The following COMP variants were observed in gnomAD, a reference collection of about 807,000 sequenced individuals.
The protein encoded by COMP is cartilage oligomeric matrix protein (pseudoachondroplasia, epiphyseal dysplasia 1, multiple).
COMP carries 79 observed loss-of-function variants against 95.8 expected under a neutral mutation model. The ratio of observed to expected loss-of-function variants is 0.82; its 90% CI spans 0.69 to 0.99. The LOEUF (loss-of-function observed/expected upper bound fraction) is 0.99. Ranked by LOEUF, COMP falls within the 50% of genes least tolerant of loss-of-function variation. The pLI is 0.00. For synonymous variants in COMP, 438 were observed against 433.9 expected, an observed-to-expected ratio of 1.01 and a Z score of -0.12; for missense variants, 906 against 1,076.1, an observed-to-expected ratio of 0.84 and a Z score of 2.21.
chr19:18,785,207 A>C (rs2055156113), intron 15 of COMP, 115 bp from the exon 16 acceptor site: 1 of 1,069,490 alleles, frequency 9.4e-7, no homozygotes, highest in Admixed American at 1.9e-5. Context: ...GACCTGCACC[A>C]TTCCCACTCG....
chr19:18,788,590 A>G lies in COMP; in HGVS notation c.762+2T>C. Reference sequence around the variant, plus strand: ...CCTCAAGCCCAGCCCGCCCGCACTCACCACGCACGACCGCGAGCCATCGCG... The same window carrying G: ...CCTCAAGCCCAGCCCGCCCGCACTCGCCACGCACGACCGCGAGCCATCGCG... On this transcript the variant is annotated splice_donor_variant, in intron 7 of 18. Transcript: ENST00000222271. LOFTEE classifies it high-confidence loss of function. This position sits in a 1 kb window ranked among gnomAD's most constrained non-coding sequence, Gnocchi z 4.7. The G allele has an allele frequency of 1.3e-6, 2 of 1,554,052 alleles. No homozygotes were observed. Among genetic ancestry groups the G allele is most frequent in the Non-Finnish European group, 1.7e-6 (2 of 1,149,574 alleles).
At chr19:18,790,664 G>A (rs1568557476) in intron 2 of COMP, 51 bp from the exon 3 acceptor site, 1 of 1,613,252 alleles carries the variant, frequency 6.2e-7, no homozygotes, top group Non-Finnish European at 8.5e-7. Flanking sequence ...CTCATCCCTC[G>A]GGTCTCCCCT....
chr19:18,783,020 C>G, intron 18 of COMP, 34 bp downstream of exon 18: 5 of 1,611,886 alleles, frequency 3.1e-6, no homozygotes, highest in Non-Finnish European at 4.2e-6. Context: ...TGTGTGCAGA[C>G]TCCCCGCCCA....
chr19:18,787,791 T>C, intron 9 of COMP, 141 bp from the exon 10 acceptor site: 2 of 1,045,158 alleles, frequency 1.9e-6, no homozygotes, highest in South Asian at 2.6e-5. Context: ...ACGCCCCTCA[T>C]CCAAGCCACG....
rs145290786 is a variant in COMP, at chr19:18,785,653, C to G, written c.1668+20G>C. 3 of 1,613,536 alleles carry G rather than the reference C, an allele frequency of 1.9e-6. No homozygotes were observed. The South Asian group carries it at 3.3e-5, about 18-fold the overall frequency. The stretch of plus-strand genomic sequence containing the variant: ...GGGGTTCTAGGGTCCCATCACCCCC[C>G]ACGTGGACCCCGCTCCCACCTGGTT... On this transcript the variant is annotated intron_variant, in intron 14 of 18. Coordinates refer to ENST00000222271, the MANE Select transcript of COMP (RefSeq NM_000095.3).
rs1301582565 is a variant in COMP at position 18,787,712 on chromosome 19, G to C, written c.976-62C>G. On this transcript the variant is annotated intron_variant, in intron 9 of 18. Coordinates refer to ENST00000222271, the MANE Select transcript of COMP (RefSeq NM_000095.3). ...GAGAAGGCAAAGGTCACACTCCTCA[G>C]ATTCCCAAATCTCCGAGGACGCGTC... 3 of 1,602,196 alleles carry C rather than the reference G, an allele frequency of 1.9e-6. No individual in the cohort carries two copies. The Admixed American group carries it at 5.0e-5, about 27-fold the overall frequency.
At chr19:18,786,762 G>GGTTT (rs1264257065) in intron 10 of COMP, 112 bp from the exon 11 acceptor site, 1 of 289,140 alleles carries the variant, frequency 3.5e-6, no homozygotes, top group African/African-American at 5.2e-5. Flanking sequence ...CTTCATGGAA[G>GGTTT]CTTTTTTTTT....
intron 13 of COMP, 22 bp downstream of exon 13, chr19:18,785,943 G>A (rs1179465447): frequency 9.6e-7 from 1 of 1,041,472 alleles, no homozygotes; most frequent in South Asian, 1.3e-5. Flanking sequence ...CGCCCCCACC[G>A]CAGGCCCCGC....
rs758010826 is a variant in COMP, at chr19:18,785,964, C to A, written c.1489+1G>T. On this transcript the variant is annotated splice_donor_variant, in intron 13 of 18. Transcript: ENST00000222271. LOFTEE classifies it high-confidence loss of function. Reference sequence around the variant, plus strand: ...CACCGCAGGCCCCGCCCCCGCCGTACTGTCCGCGTCCTCCTGGCCGGGGTT... The same window carrying A: ...CACCGCAGGCCCCGCCCCCGCCGTAATGTCCGCGTCCTCCTGGCCGGGGTT... 6.2e-7 allele frequency: 1 copy of A among 1,605,374 alleles called. No individual in the cohort carries two copies. Among genetic ancestry groups the A allele is most frequent in the Non-Finnish European group, 8.5e-7 (1 of 1,177,350 alleles).
chr19:18,790,068 C>T lies in COMP; in HGVS notation c.264G>A (p.Leu88=). 1 of 1,549,668 alleles carries T rather than the reference C, an allele frequency of 6.5e-7. No individual in the cohort carries two copies. Among genetic ancestry groups the T allele is most frequent in the Non-Finnish European group, 8.7e-7 (1 of 1,152,300 alleles). Residue 88 remains leucine (L), a synonymous_variant, in exon 4 of 19, where the codon CTG becomes CTA. Coordinates refer to ENST00000222271, the MANE Select transcript of COMP (RefSeq NM_000095.3). ...AGCAGAAGCCGGGCGCGCAGTGGAGCAGGGGCCGCACGCTGGGTAGGCCGG... is the reference window on the plus strand; with the variant it reads ...AGCAGAAGCCGGGCGCGCAGTGGAGTAGGGGCCGCACGCTGGGTAGGCCGG... ...VRTGLPSVRP[L]LHCAPGFCFP... is the part of the protein sequence containing the mutation.
At chr19:18,787,730 G>A in intron 9 of COMP, 80 bp from the exon 10 acceptor site, 1 of 1,587,000 alleles carries the variant, frequency 6.3e-7, no homozygotes, top group East Asian at 2.2e-5. Context: ...AATCTCCGAG[G>A]ACGCGTCTCC....
chr19:18,785,866 A>T lies in COMP; in HGVS notation c.1490-15T>A, dbSNP rs1261325607. ...CACGCCGTCCCCTGAGAGGTGGGAG[A>T]CCCCTCGGTGGGCTAAAGTCAGGGC... On this transcript the variant is annotated splice_polypyrimidine_tract_variant and intron_variant, in intron 13 of 18. Coordinates refer to ENST00000222271, the MANE Select transcript of COMP (RefSeq NM_000095.3). 1.2e-6 allele frequency: 2 copies of T among 1,601,332 alleles called. No homozygotes were observed. Among genetic ancestry groups the T allele is most frequent in the Admixed American group, 1.7e-5 (1 of 59,280 alleles).
intron 11 of COMP, 119 bp downstream of exon 11, chr19:18,786,413 C>A: frequency 6.5e-7 from 1 of 1,545,074 alleles, no homozygotes; most frequent in South Asian, 1.1e-5. Flanking sequence ...GCAGGCTGCT[C>A]GGACCGAGAG....
intron 3 of COMP, among the ~76,000 whole-genome samples, chr19:18,790,326 T>TCCCGCTTTTCTGC (rs2055203912): frequency 6.6e-6 from 1 of 150,904 alleles, no homozygotes; most frequent in Non-Finnish European, 1.5e-5. Flanking sequence ...TGAGTCTCTG[T>TCCCGCTTTTCTGC]CCCGCTTTTC....
At position 18,789,024 on chromosome 19, in the gene COMP, G is replaced by C; in HGVS notation, c.529-111C>G. 7 of 1,542,222 alleles carry C rather than the reference G, an allele frequency of 4.5e-6. No homozygotes were observed. The highest frequency in any genetic ancestry group is 5.3e-6 in the Non-Finnish European group (6 of 1,133,710). On this transcript the variant is annotated intron_variant, in intron 5 of 18. Transcript: ENST00000222271. The surrounding 1 kb of genome is among the most constrained non-coding windows in gnomAD (Gnocchi z 6.1). The stretch of plus-strand genomic sequence containing the variant: ...TCTCCCCTCCATCCTGCCCCAAACC[G>C]ATCAGCCCTGGCGCAGCGGACCCCT...
Position 18,785,058 on chromosome 19 carries a change from G to T in COMP, c.1752C>A (p.Gly584=). 6.2e-7 allele frequency: 1 copy of T among 1,614,122 alleles called. No individual in the cohort carries two copies. Among genetic ancestry groups the T allele is most frequent in the Non-Finnish European group, 8.5e-7 (1 of 1,180,010 alleles). The change falls in exon 16 of 19, where the codon GGC becomes GGA. Residue 584 remains glycine (G), a synonymous_variant. Transcript: ENST00000222271. ...YTAFNGVDFE[G]TFHVNTVTDD... Reference sequence around the variant, plus strand: ...CCGTGACCGTGTTCACATGGAACGTGCCCTCGAAGTCCACGCCATTGAAGG... The same window carrying T: ...CCGTGACCGTGTTCACATGGAACGTTCCCTCGAAGTCCACGCCATTGAAGG...
Position 18,784,419 on chromosome 19 carries a change from A to C in COMP, c.1915-56T>G. The C allele has an allele frequency of 6.2e-7, 1 of 1,601,148 alleles. No individual in the cohort carries two copies. The highest frequency in any genetic ancestry group is 1.1e-5 in the South Asian group (1 of 90,616). ...CCTCGTGGGCCACCGGAGCCCCCCTAGACACCTTCCTGGAGAGACAGTTGG... is the reference window on the plus strand; with the variant it reads ...CCTCGTGGGCCACCGGAGCCCCCCTCGACACCTTCCTGGAGAGACAGTTGG... On this transcript the variant is annotated intron_variant, in intron 16 of 18. Coordinates refer to ENST00000222271, the MANE Select transcript of COMP (RefSeq NM_000095.3). This position sits in a 1 kb window ranked among gnomAD's most constrained non-coding sequence, Gnocchi z 4.9.
intron 10 of COMP, 102 bp downstream of exon 10, chr19:18,787,389 C>A (rs1425224480): frequency 6.5e-7 from 1 of 1,550,254 alleles, no homozygotes; most frequent in Non-Finnish European, 8.8e-7. Flanking sequence ...GTCCAGCTTA[C>A]CCCATCCGGC....
chr19:18,785,602 C>T (rs1019950810), intron 14 of COMP, 56 bp from the exon 15 acceptor site: 88 of 1,613,682 alleles, frequency 5.5e-5, no homozygotes, highest in Non-Finnish European at 7.2e-5. Context: ...CCTAGGCACC[C>T]TGTCCTCAGC....
Sources: allele counts gnomAD v4.1 joint callset (sites outside exome capture counted in the v4.1 genomes callset), GRCh38; gene constraint gnomAD v4.1.1; non-coding constraint Gnocchi (gnomAD v3.1); transcripts MANE v1.5; gene names NCBI Gene and HGNC (gene_info 2026-07-23, HGNC 2026-07-21).